The following RARS2 variants were observed in gnomAD, a reference collection of about 807,000 sequenced individuals.
RARS2 encodes arginyl-tRNA synthetase 2, mitochondrial.
A neutral mutation model predicts 88.5 loss-of-function variants in RARS2; 67 were observed. That is an observed-to-expected ratio of 0.76 (90% confidence interval 0.62 to 0.93). RARS2 has a LOEUF of 0.93. Ranked by LOEUF, RARS2 falls within the 40% of genes least tolerant of loss-of-function variation. RARS2 has a pLI of 0.00. For missense variants in RARS2, 664 were observed against 684.2 expected, an observed-to-expected ratio of 0.97 and a Z score of 0.33; for synonymous variants, 239 against 230.3, an observed-to-expected ratio of 1.04 and a Z score of -0.34.
At chr6:87,558,323 C>T (rs1053410852) in intron 4 of RARS2, among the ~76,000 whole-genome samples, 2 of 152,212 alleles carry the variant, frequency 1.3e-5, no homozygotes, top group Admixed American at 6.5e-5. Flanking sequence ...CTACCACTCA[C>T]CCAACTAACC....
intron 1 of RARS2, among the ~76,000 whole-genome samples, chr6:87,572,042 C>T (rs1385916069): frequency 6.7e-6 from 1 of 149,294 alleles, no homozygotes; most frequent in African/African-American, 2.5e-5. Context: ...GTTTATAGTA[C>T]GAAATGTTTC....
rs116551922 is a variant in RARS2, at chr6:87,589,868, C to A, written c.36+54G>T. 502 of 1,614,134 alleles carry A rather than the reference C, an allele frequency of 3.1e-4. No individual in the cohort carries two copies. The African/African-American group carries it at 6.0e-3, about 19-fold the overall frequency. On this transcript the variant is annotated intron_variant, in intron 1 of 19. Transcript: ENST00000369536. ...AGGACTGGCCCGCAGCGGTGAAAGG[C>A]CTTTGGGGTCCCTAGCTCCTCAGGG...
At chr6:87,570,200 C>T (rs1055752189) in intron 1 of RARS2, among the ~76,000 whole-genome samples, 4 of 152,156 alleles carry the variant, frequency 2.6e-5, no homozygotes, top group Non-Finnish European at 1.5e-5. Flanking sequence ...CAGACAAAGT[C>T]TCGCTATGTT....
In RARS2 at chr6:87,542,003, A is replaced by G. The variant is rs747438020; in HGVS notation, c.536-9T>C. The G allele has an allele frequency of 6.2e-7, 1 of 1,607,096 alleles. No individual in the cohort carries two copies. ...GCCAGTTCCCAGAAGACCTACCATG[A>G]TAATCCGTAAATGAAAAATTATAAA... On this transcript the variant is annotated splice_polypyrimidine_tract_variant and intron_variant, in intron 7 of 19. Coordinates refer to ENST00000369536, the MANE Select transcript of RARS2 (RefSeq NM_020320.5).
intron 4 of RARS2, among the ~76,000 whole-genome samples, chr6:87,560,379 T>C (rs1481241513): frequency 1.3e-5 from 2 of 152,224 alleles, no homozygotes; most frequent in East Asian, 3.9e-4. Flanking sequence ...TCCTATTTGG[T>C]TGAGATCATA....
intron 12 of RARS2, among the ~76,000 whole-genome samples, chr6:87,520,944 T>C (rs1298553015): frequency 6.6e-6 from 1 of 152,210 alleles, no homozygotes; most frequent in African/African-American, 2.4e-5. Flanking sequence ...CATGAATCTA[T>C]ACATGTGATA....
At chr6:87,530,703 T>G in intron 9 of RARS2, 81 bp downstream of exon 9, 1 of 1,544,238 alleles carries the variant, frequency 6.5e-7, no homozygotes, top group Non-Finnish European at 8.9e-7. Context: ...AACACAAGCT[T>G]AACACGCAAC....
chr6:87,521,260 C>G (rs1017938218), intron 12 of RARS2, among the ~76,000 whole-genome samples: 1 of 152,138 alleles, frequency 6.6e-6, no homozygotes, highest in African/African-American at 2.4e-5. Context: ...CTTACTGATT[C>G]AGGTAATTTT....
intron 1 of RARS2, among the ~76,000 whole-genome samples, chr6:87,576,095 C>CGGCCAACACAAATATCAAGAT (rs1272053470): frequency 8.0e-6 from 1 of 125,162 alleles, no homozygotes; most frequent in African/African-American, 3.0e-5. Flanking sequence ...CCAATGCGCC[C>CGGCCAACACAAATATCAAGAT]AGCTGGATAA....
At chr6:87,586,086 G>C (rs1775063887) in intron 1 of RARS2, among the ~76,000 whole-genome samples, 1 of 152,178 alleles carries the variant, frequency 6.6e-6, no homozygotes, top group Non-Finnish European at 1.5e-5. Flanking sequence ...TCACAATTTA[G>C]ATGTCACCTT....
intron 6 of RARS2, among the ~76,000 whole-genome samples, chr6:87,546,831 C>T (rs115490060): frequency 0.016 from 2,382 of 152,336 alleles, 60 homozygotes; most frequent in African/African-American, 0.054. Context: ...TTTCCAGCTT[C>T]CCTAGTTGTA....
At position 87,514,941 on chromosome 6, in the gene RARS2, A is replaced by G. The variant is rs761978096; in HGVS notation, c.1650+16T>C. On this transcript the variant is annotated intron_variant, in intron 19 of 19. Coordinates refer to ENST00000369536, the MANE Select transcript of RARS2 (RefSeq NM_020320.5). ...AGGAGCTAGGGATTATACAGAAAAC[A>G]TTCAACATAACGTACCCCAGCCACT... The G allele has an allele frequency of 1.9e-6, 3 of 1,595,872 alleles. No individual in the cohort carries two copies. The highest frequency in any genetic ancestry group is 1.7e-5 in the Admixed American group (1 of 59,998).
At chr6:87,516,751 G>A (rs943702902) in intron 18 of RARS2, 55 bp downstream of exon 18, 1 of 1,601,628 alleles carries the variant, frequency 6.2e-7, no homozygotes, top group African/African-American at 1.3e-5. Context: ...ACCTTTAGAT[G>A]AAAGAAAGGT....
chr6:87,551,994 T>G (rs970462036), intron 5 of RARS2, among the ~76,000 whole-genome samples: 2 of 152,228 alleles, frequency 1.3e-5, no homozygotes, highest in Admixed American at 1.3e-4. Context: ...TCCAAATCTA[T>G]GATGGACAGC....
At chr6:87,524,024 G>C (rs535787463) in intron 11 of RARS2, among the ~76,000 whole-genome samples, 1 of 152,042 alleles carries the variant, frequency 6.6e-6, no homozygotes, top group African/African-American at 2.4e-5. Flanking sequence ...ACAAATTATG[G>C]TAGTTAATAT....
chr6:87,527,850 G>T (rs1406826481), intron 10 of RARS2, among the ~76,000 whole-genome samples: 1 of 151,976 alleles, frequency 6.6e-6, no homozygotes, highest in African/African-American at 2.4e-5. Flanking sequence ...CTTATAAGTG[G>T]GAGTTGAACA....
At chr6:87,540,446 CAAAAAAA>C (rs34144204) in intron 8 of RARS2, among the ~76,000 whole-genome samples, 2 of 42,358 alleles carry the variant, frequency 4.7e-5, no homozygotes, top group African/African-American at 9.6e-5. Flanking sequence ...TGAGACTCCT[CAAAAAAA>C]AAAAAAAAAA....
At chr6:87,537,608 A>T (rs756020336) in intron 8 of RARS2, among the ~76,000 whole-genome samples, 2 of 152,180 alleles carry the variant, frequency 1.3e-5, no homozygotes, top group Non-Finnish European at 2.9e-5. Context: ...GCAAGCCATA[A>T]TATTTAGGGT....
intron 8 of RARS2, among the ~76,000 whole-genome samples, chr6:87,533,303 G>A (rs1345098336): frequency 6.6e-6 from 1 of 151,932 alleles, no homozygotes; most frequent in Non-Finnish European, 1.5e-5. Flanking sequence ...AATATTCTTA[G>A]TATTTCCGCA....
Sources: gnomAD v4.1 joint callset for allele counts (sites outside exome capture counted in the v4.1 genomes callset) on GRCh38, gnomAD v4.1.1 for gene constraint, MANE v1.5 for transcripts, NCBI Gene and HGNC (gene_info 2026-07-23, HGNC 2026-07-21) for gene names.